KALRN: variants seen among roughly 807,000 people sequenced by gnomAD.
KALRN encodes kalirin RhoGEF kinase.
A neutral mutation model predicts 353.7 loss-of-function variants in KALRN; 70 were observed. That is an observed-to-expected ratio of 0.20 (90% CI 0.16 to 0.24). The LOEUF is 0.24. Ranked by LOEUF, KALRN falls within the 10% of genes least tolerant of loss-of-function variation. The pLI is 1.00. For synonymous variants in KALRN, 1,391 were observed against 1,434.8 expected, an observed-to-expected ratio of 0.97 and a Z score of 0.69; for missense variants, 2,791 against 3,756.7, an observed-to-expected ratio of 0.74 and a Z score of 6.72.
At chr3:124,129,360 G>A (rs1388549240) in intron 1 of KALRN, among the ~76,000 whole-genome samples, 1 of 152,238 alleles carries the variant, frequency 6.6e-6, no homozygotes, top group Non-Finnish European at 1.5e-5. Context: ...AGTCCTGTCT[G>A]CTTTAAGGAT....
chr3:124,168,890 T>A (rs765910481), intron 1 of KALRN, among the ~76,000 whole-genome samples: 33 of 152,246 alleles, frequency 2.2e-4, no homozygotes, highest in Middle Eastern at 3.4e-3. Context: ...GGCACTATTC[T>A]GGGAGCTATA....
At chr3:124,677,464 TCTCACCTCCCTGGGAGCA>T in intron 49 of KALRN, 1 of 387,586 alleles carries the variant, frequency 2.6e-6, no homozygotes, top group East Asian at 7.7e-5. Flanking sequence ...CCATTGCTGC[TCTCACCTCCCTGGGAGCA>T]CACATTAGTT....
At chr3:124,406,778 T>C (rs2150182046) in intron 13 of KALRN, among the ~76,000 whole-genome samples, 1 of 151,802 alleles carries the variant, frequency 6.6e-6, no homozygotes, top group South Asian at 2.1e-4. Flanking sequence ...TGCCTGGGTT[T>C]GAAACCTGTT....
At chr3:124,127,176 C>T (rs1435092290) in intron 1 of KALRN, among the ~76,000 whole-genome samples, 1 of 152,160 alleles carries the variant, frequency 6.6e-6, no homozygotes, top group African/African-American at 2.4e-5. Context: ...TAATTTGCGA[C>T]TCTATTGCTT....
At chr3:124,385,438 C>T (rs2088101794) in intron 11 of KALRN, among the ~76,000 whole-genome samples, 1 of 152,206 alleles carries the variant, frequency 6.6e-6, no homozygotes, top group South Asian at 2.1e-4. Context: ...GAGAGTCCCA[C>T]AGAACTTGTA....
intron 48 of KALRN, among the ~76,000 whole-genome samples, chr3:124,673,320 A>T (rs1461912673): frequency 2.0e-5 from 3 of 152,078 alleles, no homozygotes; most frequent in Admixed American, 2.0e-4. Context: ...TGGGAAGTCG[A>T]GGCTACAGTG....
intron 49 of KALRN, chr3:124,675,518 C>CTTTTTTTT (rs67279805): frequency 8.7e-6 from 1 of 114,604 alleles, no homozygotes; most frequent in African/African-American, 2.8e-5. Context: ...TCCTCTTCTT[C>CTTTTTTTT]TTTTTTTTTT....
At chr3:124,434,139 T>C (rs2093383661) in intron 16 of KALRN, among the ~76,000 whole-genome samples, 168 bp from the exon 17 acceptor site, 1 of 152,242 alleles carries the variant, frequency 6.6e-6, no homozygotes, top group Non-Finnish European at 1.5e-5. Context: ...TATTCTTTTT[T>C]TAAATATGCT....
chr3:124,288,711 T>A (rs1392877385), intron 5 of KALRN, among the ~76,000 whole-genome samples: 4 of 152,032 alleles, frequency 2.6e-5, no homozygotes, highest in Non-Finnish European at 5.9e-5. Flanking sequence ...AGGGACAGAA[T>A]GGAGTAAGGG....
rs889922666 is a variant in KALRN at position 124,396,262 on chromosome 3, T to C, written c.2171+919T>C. Among the ~76,000 whole-genome samples the C allele has an allele frequency of 2.0e-5, 3 of 151,784 alleles. No homozygotes were observed. In the East Asian group the frequency reaches 5.8e-4, roughly 29 times the overall value. On this transcript the variant is annotated intron_variant, in intron 12 of 59. Coordinates refer to ENST00000682506, the MANE Select transcript of KALRN (RefSeq NM_001388419.1). ...AATTACGTCAATTGGAGAGGGTTTT[T>C]TTCACCCATACCAGTTGTCCAATTA...
At chr3:124,081,811 G>A (rs190818613) in intron 1 of KALRN, among the ~76,000 whole-genome samples, 3 of 151,980 alleles carry the variant, frequency 2.0e-5, no homozygotes, top group South Asian at 2.1e-4. Flanking sequence ...AAAAAACAGC[G>A]GTATACTCAC....
intron 1 of KALRN, among the ~76,000 whole-genome samples, chr3:124,174,512 T>A (rs1439742894): frequency 6.6e-6 from 1 of 152,228 alleles, no homozygotes; most frequent in East Asian, 1.9e-4. Context: ...CCCTCAGGTT[T>A]GGGCCTTTCT....
intron 38 of KALRN, among the ~76,000 whole-genome samples, chr3:124,654,932 ATGTCCT>A (rs1427600617): frequency 1.3e-5 from 2 of 152,222 alleles, no homozygotes; most frequent in Non-Finnish European, 2.9e-5. Flanking sequence ...AAGAGAGCAA[ATGTCCT>A]TGTAATTGTT....
At chr3:124,455,563 A>G (rs1230913933) in intron 22 of KALRN, among the ~76,000 whole-genome samples, 2 of 152,200 alleles carry the variant, frequency 1.3e-5, no homozygotes, top group African/African-American at 2.4e-5. Flanking sequence ...CCCTGTGATT[A>G]GTACTCTATA....
chr3:124,589,038 C>T (rs1247090901), intron 34 of KALRN, among the ~76,000 whole-genome samples: 1 of 152,052 alleles, frequency 6.6e-6, no homozygotes. Flanking sequence ...CTTGGGTAGT[C>T]CTTCCTGCTT....
chr3:124,717,910 C>T lies in KALRN; in HGVS notation c.8415+525C>T, dbSNP rs774625703. Among the ~76,000 whole-genome samples the T allele has an allele frequency of 3.0e-3, 462 of 152,052 alleles. 4 individuals carry two copies. Among genetic ancestry groups the T allele is most frequent in the Non-Finnish European group, 2.1e-3 (142 of 67,976 alleles). On this transcript the variant is annotated intron_variant, in intron 59 of 59. Transcript: ENST00000682506. Reference sequence around the variant, plus strand: ...CGCTGCAACCTCCGCCTCCCAGGTACCAGCGATTCTCCTGCCTTAGCCTCC... The same window carrying T: ...CGCTGCAACCTCCGCCTCCCAGGTATCAGCGATTCTCCTGCCTTAGCCTCC...
chr3:124,219,233 C>T (rs1293408449), intron 1 of KALRN, among the ~76,000 whole-genome samples: 5 of 152,074 alleles, frequency 3.3e-5, no homozygotes, highest in South Asian at 2.1e-4. Flanking sequence ...TAGAGTCTAG[C>T]GAGGGAGCCA....
At chr3:124,301,344 T>C (rs1364290040) in intron 6 of KALRN, among the ~76,000 whole-genome samples, 2 of 152,240 alleles carry the variant, frequency 1.3e-5, no homozygotes, top group Non-Finnish European at 2.9e-5. Flanking sequence ...AAGGGAAGTA[T>C]CTTCTGGAAC....
chr3:124,342,508 G>A (rs1283423179), intron 9 of KALRN, among the ~76,000 whole-genome samples: 1 of 152,130 alleles, frequency 6.6e-6, no homozygotes, highest in East Asian at 1.9e-4. Context: ...TTTTATGGCT[G>A]AATAGTATTC....
Sources: allele counts gnomAD v4.1 joint callset (sites outside exome capture counted in the v4.1 genomes callset), GRCh38; gene constraint gnomAD v4.1.1; transcripts MANE v1.5; gene names NCBI Gene and HGNC (gene_info 2026-07-23, HGNC 2026-07-21).